Variants in PLCB1 observed in about 807,000 individuals in gnomAD.
PLCB1 encodes the protein 1-phosphatidylinositol 4,5-bisphosphate phosphodiesterase beta-1.
Under a neutral mutation model 161.8 loss-of-function variants are expected in PLCB1, and 46 were observed. The observed-to-expected ratio is 0.28, with a 90% CI of 0.22 to 0.36. PLCB1 has a LOEUF of 0.36. Ranked by LOEUF, PLCB1 falls within the 10% of genes least tolerant of loss-of-function variation. The pLI, the probability that PLCB1 is intolerant of heterozygous loss-of-function variation, is 1.00. For missense variants in PLCB1, 1,016 were observed against 1,472.5 expected (o/e 0.69, Z 5.07); for synonymous variants, 517 against 503.7 (o/e 1.03, Z -0.35).
At chr20:8,149,385 C>G (rs1344199577) in intron 1 of PLCB1, among the ~76,000 whole-genome samples, 2 of 152,110 alleles carry the variant, frequency 1.3e-5, no homozygotes, top group South Asian at 4.1e-4. Flanking sequence ...AGATTAAAAT[C>G]ATTCATACTG....
chr20:8,689,921 G>T (rs1049554693), intron 10 of PLCB1, among the ~76,000 whole-genome samples: 10 of 57,272 alleles, frequency 1.7e-4, no homozygotes, highest in Non-Finnish European at 3.9e-4. Context: ...AAAGAAAAGG[G>T]TTTACCTTTT....
intron 3 of PLCB1, among the ~76,000 whole-genome samples, chr20:8,372,766 A>G (rs1249891900): frequency 1.3e-5 from 2 of 152,194 alleles, no homozygotes; most frequent in Non-Finnish European, 2.9e-5. Context: ...AATTTCATAT[A>G]AGCCTGTTAG....
intron 2 of PLCB1, among the ~76,000 whole-genome samples, chr20:8,327,968 T>C (rs1311794744): frequency 6.6e-6 from 1 of 152,176 alleles, no homozygotes; most frequent in East Asian, 1.9e-4. Flanking sequence ...TATACATATA[T>C]GCACATATAT....
intron 3 of PLCB1, among the ~76,000 whole-genome samples, chr20:8,569,599 T>C (rs900807337): frequency 2.6e-5 from 4 of 152,136 alleles, no homozygotes; most frequent in Non-Finnish European, 5.9e-5. Context: ...AGTGACAATA[T>C]CCTATGTGTC....
chr20:8,558,707 A>G (rs142730727), intron 3 of PLCB1, among the ~76,000 whole-genome samples: 1 of 152,068 alleles, frequency 6.6e-6, no homozygotes, highest in Non-Finnish European at 1.5e-5. Context: ...AATTAATCAC[A>G]TACAAATGAT....
chr20:8,213,586 A>C (rs185871198), intron 2 of PLCB1, among the ~76,000 whole-genome samples: 3 of 152,094 alleles, frequency 2.0e-5, no homozygotes, highest in African/African-American at 7.2e-5. Flanking sequence ...AGGGGTCAGA[A>C]TAAAGCTTGC....
intron 4 of PLCB1, among the ~76,000 whole-genome samples, chr20:8,629,826 TTTCTTTCTTTCTTTCTTTC>T (rs1282678869): frequency 7.1e-5 from 3 of 42,170 alleles, no homozygotes; most frequent in African/African-American, 1.1e-4. Flanking sequence ...CTTTTCTTTC[TTTCTTTCTTTCTTTCTTTC>T]TTTCTTTCTT....
intron 2 of PLCB1, among the ~76,000 whole-genome samples, chr20:8,312,651 G>C (rs550138620): frequency 6.6e-6 from 1 of 152,172 alleles, no homozygotes; most frequent in African/African-American, 2.4e-5. Context: ...AAAAAACAAG[G>C]CAAAGCATGT....
intron 9 of PLCB1, among the ~76,000 whole-genome samples, chr20:8,662,453 A>ATCAT: frequency 7.7e-6 from 1 of 130,700 alleles, no homozygotes; most frequent in Middle Eastern, 4.3e-3. Flanking sequence ...GTTATGTATA[A>ATCAT]TTATTATATA....
intron 4 of PLCB1, among the ~76,000 whole-genome samples, chr20:8,643,701 A>C (rs1222255091): frequency 6.6e-6 from 1 of 150,462 alleles, no homozygotes; most frequent in East Asian, 1.9e-4. Context: ...CATCCTGGCT[A>C]ACATGGTGAA....
At chr20:8,878,161 T>C (rs1420957725) in intron 31 of PLCB1, among the ~76,000 whole-genome samples, 1 of 152,208 alleles carries the variant, frequency 6.6e-6, no homozygotes, top group Non-Finnish European at 1.5e-5. Context: ...AGAAATTATC[T>C]GCTAGGTCAG....
chr20:8,649,263 T>A, intron 6 of PLCB1, 111 bp from the exon 7 acceptor site: 1 of 668,736 alleles, frequency 1.5e-6, no homozygotes, highest in African/African-American at 1.8e-5. Flanking sequence ...TCTTTAAATA[T>A]GAATAATAAA....
chr20:8,285,521 C>T (rs1164407994), intron 2 of PLCB1, among the ~76,000 whole-genome samples: 1 of 152,024 alleles, frequency 6.6e-6, no homozygotes, highest in East Asian at 1.9e-4. Flanking sequence ...CTGGATATTA[C>T]AGTCATAGGT....
At chr20:8,143,375 G>C (rs531514654) in intron 1 of PLCB1, among the ~76,000 whole-genome samples, 1 of 152,178 alleles carries the variant, frequency 6.6e-6, no homozygotes, top group Admixed American at 6.5e-5. Flanking sequence ...GTTTTTATTT[G>C]CTGCAGTACC....
chr20:8,187,238 ACTCAACACCCCATGATGAACT>A (rs2051915125), intron 2 of PLCB1, among the ~76,000 whole-genome samples: 1 of 151,766 alleles, frequency 6.6e-6, no homozygotes. Context: ...AAACCCTCAG[ACTCAACACCCCATGATGAACT>A]TATGATCCTT....
At chr20:8,565,798 C>G (rs1986314127) in intron 3 of PLCB1, among the ~76,000 whole-genome samples, 1 of 151,982 alleles carries the variant, frequency 6.6e-6, no homozygotes, top group Non-Finnish European at 1.5e-5. Context: ...CAGTCATTTC[C>G]TCCTTCATGA....
intron 3 of PLCB1, among the ~76,000 whole-genome samples, chr20:8,602,571 G>T (rs1168404469): frequency 6.6e-6 from 1 of 152,106 alleles, no homozygotes; most frequent in Non-Finnish European, 1.5e-5. Flanking sequence ...AATGCATTCA[G>T]GTCAAAGAAT....
chr20:8,549,197 A>T (rs1985681767), intron 3 of PLCB1, among the ~76,000 whole-genome samples: 2 of 152,152 alleles, frequency 1.3e-5, no homozygotes, highest in South Asian at 4.1e-4. Context: ...ATAAATAAAT[A>T]AATATATATT....
intron 3 of PLCB1, among the ~76,000 whole-genome samples, chr20:8,456,489 A>G (rs1352614217): frequency 6.6e-6 from 1 of 152,180 alleles, no homozygotes; most frequent in African/African-American, 2.4e-5. Flanking sequence ...GCAGAGTAGC[A>G]GTAAAGAAAT....
Sources: gnomAD v4.1 joint callset for allele counts (sites outside exome capture counted in the v4.1 genomes callset) on GRCh38, gnomAD v4.1.1 for gene constraint, MANE v1.5 for transcripts, NCBI Gene and HGNC (gene_info 2026-07-23, HGNC 2026-07-21) for gene names.